Variants in OPCML observed in about 807,000 individuals in gnomAD.
OPCML encodes the protein opioid-binding protein/cell adhesion molecule.
Under a neutral mutation model 37.8 loss-of-function variants are expected in OPCML, and 13 were observed. The observed-to-expected ratio is 0.34, with a 90% confidence interval of 0.22 to 0.55. The LOEUF (loss-of-function observed/expected upper bound fraction) is 0.55, where lower values mean the gene tolerates loss of function less well. Ranked by LOEUF, OPCML falls within the 20% of genes least tolerant of loss-of-function variation. The pLI is 0.91. For synonymous variants in OPCML, 176 were observed against 168.8 expected, an observed-to-expected ratio of 1.04 and a Z score of -0.33; for missense variants, 341 against 435.6, an observed-to-expected ratio of 0.78 and a Z score of 1.93.
At chr11:133,463,948 T>G (rs559202024) in intron 1 of OPCML, among the ~76,000 whole-genome samples, 1 of 151,598 alleles carries the variant, frequency 6.6e-6, no homozygotes, top group South Asian at 2.1e-4. Flanking sequence ...ACATTCAACA[T>G]ATCTTTGTGT....
intron 1 of OPCML, chr11:133,007,501 G>C (rs1389045650): frequency 1.0e-6 from 1 of 985,318 alleles, no homozygotes; most frequent in Non-Finnish European, 1.2e-6. Flanking sequence ...CCTGTCCTTA[G>C]ACAGAATCTC....
At chr11:133,300,915 T>C (rs183904036) in intron 1 of OPCML, 2 of 152,284 alleles carry the variant, frequency 1.3e-5, no homozygotes, top group Non-Finnish European at 2.9e-5. Context: ...AAAAGGACTC[T>C]CCTGAGAGTC....
chr11:133,439,448 T>C, intron 1 of OPCML: 1 of 984,996 alleles, frequency 1.0e-6, no homozygotes, highest in Non-Finnish European at 1.2e-6. Context: ...TCTTTTTTGT[T>C]TTTTTGTTTT....
chr11:133,067,860 C>A (rs754721100), intron 1 of OPCML: 4 of 152,124 alleles, frequency 2.6e-5, no homozygotes, highest in African/African-American at 9.7e-5. Flanking sequence ...AAATTACCTC[C>A]GCTGGGGAAA....
intron 1 of OPCML, among the ~76,000 whole-genome samples, chr11:133,330,071 C>A (rs561360950): frequency 1.1e-3 from 171 of 152,218 alleles, no homozygotes; most frequent in Non-Finnish European, 2.0e-3. Context: ...GCAGCCAAAA[C>A]AACACATGAA....
At chr11:132,711,617 C>G (rs1231047541) in intron 2 of OPCML, among the ~76,000 whole-genome samples, 3 of 152,176 alleles carry the variant, frequency 2.0e-5, no homozygotes, top group Non-Finnish European at 4.4e-5. Flanking sequence ...GTAGCATTCA[C>G]TGTGAATTAT....
chr11:132,817,084 G>A (rs1301408055), intron 2 of OPCML: 1 of 152,338 alleles, frequency 6.6e-6, no homozygotes, highest in East Asian at 1.9e-4. Flanking sequence ...AGTTAGATGT[G>A]GGTAGCACTT....
At chr11:132,568,457 C>T (rs529236876) in intron 3 of OPCML, among the ~76,000 whole-genome samples, 1 of 152,286 alleles carries the variant, frequency 6.6e-6, no homozygotes, top group South Asian at 2.1e-4. Context: ...TCTTTGCAGA[C>T]ATAACTATAC....
chr11:132,435,312 C>T (rs868839037), intron 7 of OPCML: 75 of 1,197,046 alleles, frequency 6.3e-5, no homozygotes, highest in Middle Eastern at 2.3e-4. Context: ...GTCTGAGGTG[C>T]ACGTGGAAAC....
chr11:132,812,322 T>C (rs7122114), intron 2 of OPCML, among the ~76,000 whole-genome samples: 96,542 of 151,880 alleles, frequency 0.64, 31,075 homozygotes, highest in Middle Eastern at 0.69. Flanking sequence ...GAGCAACAGG[T>C]GGCAATAAAA....
intron 1 of OPCML, among the ~76,000 whole-genome samples, chr11:133,158,011 A>AAAT (rs1287981770): frequency 1.3e-5 from 2 of 152,180 alleles, no homozygotes; most frequent in African/African-American, 4.8e-5. Flanking sequence ...GAAAATTGAA[A>AAAT]AATAATAGGG....
At chr11:133,235,688 G>A (rs1177063564) in intron 1 of OPCML, among the ~76,000 whole-genome samples, 2 of 152,146 alleles carry the variant, frequency 1.3e-5, no homozygotes, top group Admixed American at 6.5e-5. Flanking sequence ...ACTCCTTGAG[G>A]TCCTAAACCA....
At position 132,936,802 on chromosome 11, in the gene OPCML, G is replaced by T. The variant is rs144981800; in HGVS notation, c.146+6124C>A. On this transcript the variant is annotated intron_variant, in intron 2 of 7. Coordinates refer to ENST00000524381, the MANE Select transcript of OPCML (RefSeq NM_001012393.5). ...CAACAAGGGCCTGAGAACGGATCAA[G>T]ATGAAAAGAGTGCACCCCTCCCCCA... 4.0e-3 allele frequency among the ~76,000 whole-genome samples: 613 copies of T among 152,234 alleles called. 5 individuals are homozygous for T. Among genetic ancestry groups the T allele is most frequent in the African/African-American group, 0.014 (585 of 41,540 alleles).
chr11:133,492,743 C>A, intron 1 of OPCML, among the ~76,000 whole-genome samples: 1 of 152,062 alleles, frequency 6.6e-6, no homozygotes, highest in Non-Finnish European at 1.5e-5. Flanking sequence ...ATTCAGTGCC[C>A]AGTAAAATTT....
At chr11:133,096,438 A>G (rs1320026839) in intron 1 of OPCML, among the ~76,000 whole-genome samples, 1 of 151,978 alleles carries the variant, frequency 6.6e-6, no homozygotes, top group Non-Finnish European at 1.5e-5. Flanking sequence ...TAAAAACACA[A>G]AAGAAAGAAA....
intron 2 of OPCML, among the ~76,000 whole-genome samples, chr11:132,855,440 A>C (rs753325250): frequency 2.0e-4 from 31 of 152,220 alleles, no homozygotes; most frequent in Admixed American, 5.2e-4. Context: ...ACCGTGCATT[A>C]ATTAAACTCT....
chr11:133,334,068 G>A (rs1943686350), intron 1 of OPCML, among the ~76,000 whole-genome samples: 1 of 152,152 alleles, frequency 6.6e-6, no homozygotes, highest in Admixed American at 6.6e-5. Context: ...TTCAACTGTT[G>A]TGGAAAGCAG....
At chr11:133,118,095 C>T (rs887461341) in intron 1 of OPCML, among the ~76,000 whole-genome samples, 1 of 152,210 alleles carries the variant, frequency 6.6e-6, no homozygotes, top group African/African-American at 2.4e-5. Flanking sequence ...AGTCTCAGCT[C>T]TCCCTGATTA....
intron 2 of OPCML, among the ~76,000 whole-genome samples, chr11:132,856,870 T>G (rs1307993079): frequency 6.6e-6 from 1 of 152,142 alleles, no homozygotes; most frequent in Non-Finnish European, 1.5e-5. Flanking sequence ...CACACTTGGA[T>G]CTCACAAATC....
Sources: allele counts gnomAD v4.1 joint callset (sites outside exome capture counted in the v4.1 genomes callset), GRCh38; gene constraint gnomAD v4.1.1; transcripts MANE v1.5; gene names NCBI Gene and HGNC (gene_info 2026-07-23, HGNC 2026-07-21).